Variants in ZNRF2 observed in about 807,000 individuals in gnomAD.
ZNRF2 encodes E3 ubiquitin-protein ligase ZNRF2.
Under a neutral mutation model 20.4 loss-of-function variants are expected in ZNRF2, and 16 were observed. The ratio of observed to expected loss-of-function variants is 0.79; its 90% CI spans 0.53 to 1.19. ZNRF2 has a LOEUF of 1.19. Ranked by LOEUF, ZNRF2 falls within the 50% of genes most tolerant of loss-of-function variation. ZNRF2 has a pLI of 0.00. For synonymous variants in ZNRF2, 178 were observed against 144.9 expected (o/e 1.23, Z -1.64); for missense variants, 363 against 332.4 (o/e 1.09, Z -0.72).
chr7:30,285,612 G>A lies in ZNRF2; in HGVS notation c.255G>A (p.Gly85=), dbSNP rs1798768383. The stretch of plus-strand genomic sequence containing the variant: ...CCCCGCGCAGCCGCTCCCTCGGCGG[G>A]GCCGTGGGGAGCGTGGCGTCGGGGG... ...PAAPRSRSLG[G]AVGSVASGAR... The change falls in exon 1 of 5, where the codon GGG becomes GGA. Residue 85 remains glycine, a synonymous_variant. Transcript: ENST00000323037. 2.5e-6 allele frequency: 3 copies of A among 1,199,900 alleles called. No homozygotes were observed. Among genetic ancestry groups the A allele is most frequent in the Admixed American group, 4.6e-5 (1 of 21,950 alleles). 74.3% of individuals were successfully genotyped at this position (1,199,900 alleles called of 1,614,324 possible).
At chr7:30,351,778 T>G (rs1799965739) in intron 2 of ZNRF2, among the ~76,000 whole-genome samples, 1 of 152,062 alleles carries the variant, frequency 6.6e-6, no homozygotes, top group African/African-American at 2.4e-5. Context: ...GATTAACATG[T>G]GACTTAAATA....
chr7:30,324,840 G>A (rs758519603), intron 2 of ZNRF2, among the ~76,000 whole-genome samples: 1 of 152,100 alleles, frequency 6.6e-6, no homozygotes, highest in Non-Finnish European at 1.5e-5. Flanking sequence ...AGTAAATGAA[G>A]GGAACATATA....
intron 1 of ZNRF2, 113 bp downstream of exon 1, chr7:30,285,939 G>T (rs1798779606): frequency 3.0e-6 from 4 of 1,326,418 alleles, no homozygotes; most frequent in Non-Finnish European, 3.9e-6. Flanking sequence ...GGCGCCGGGG[G>T]CTGCCTCCCG....
chr7:30,285,691 G>C lies in ZNRF2; in HGVS notation c.334G>C (p.Gly112Arg), dbSNP rs897814682. 9 of 1,460,838 alleles carry C rather than the reference G, an allele frequency of 6.2e-6. No individual in the cohort carries two copies. The African/African-American group carries it at 9.0e-5, about 15-fold the overall frequency. 90.5% of individuals were successfully genotyped at this position (1,460,838 alleles called of 1,614,324 possible). Residue 112 changes from glycine (G) to arginine (R), a missense_variant, in exon 1 of 5, where the codon GGC becomes CGC. Coordinates refer to ENST00000323037, the MANE Select transcript of ZNRF2 (RefSeq NM_147128.4). ...CCCGAACAGCAGCAGCGGCCCGTAC[G>C]GCTCGCAGGACTCGGTGCACAGCAG... ...SIPNSSSGPY[G>R]SQDSVHSSPE... is the part of the protein sequence containing the mutation.
At chr7:30,293,138 G>A (rs1798941695) in intron 1 of ZNRF2, among the ~76,000 whole-genome samples, 1 of 152,080 alleles carries the variant, frequency 6.6e-6, no homozygotes, top group African/African-American at 2.4e-5. Flanking sequence ...GAGAGAAAAT[G>A]AAGAGTCAAG....
intron 1 of ZNRF2, among the ~76,000 whole-genome samples, chr7:30,316,994 C>T (rs778253001): frequency 8.6e-5 from 13 of 151,928 alleles, no homozygotes; most frequent in Admixed American, 2.6e-4. Flanking sequence ...GATTTATTTG[C>T]CCCCCCTTTT....
chr7:30,322,177 C>T (rs1250102288), intron 1 of ZNRF2, among the ~76,000 whole-genome samples: 2 of 151,980 alleles, frequency 1.3e-5, no homozygotes, highest in African/African-American at 4.8e-5. Flanking sequence ...AGTAAACATA[C>T]CTTTATTCCT....
At chr7:30,351,457 C>G (rs954862243) in intron 2 of ZNRF2, among the ~76,000 whole-genome samples, 1 of 151,974 alleles carries the variant, frequency 6.6e-6, no homozygotes, top group Admixed American at 6.6e-5. Context: ...ATTGTAAGGT[C>G]GTTTCAGTTA....
At chr7:30,327,532 T>C (rs1000742888) in intron 2 of ZNRF2, among the ~76,000 whole-genome samples, 4 of 152,082 alleles carry the variant, frequency 2.6e-5, no homozygotes, top group South Asian at 2.1e-4. Flanking sequence ...AGAACTAATA[T>C]ATAACCTTCT....
intron 1 of ZNRF2, among the ~76,000 whole-genome samples, chr7:30,300,050 C>T (rs1376277200): frequency 6.6e-6 from 1 of 151,732 alleles, no homozygotes; most frequent in Non-Finnish European, 1.5e-5. Context: ...TCCCAAAGTG[C>T]AGGGATTACA....
At chr7:30,287,181 T>C (rs903040711) in intron 1 of ZNRF2, among the ~76,000 whole-genome samples, 1 of 152,248 alleles carries the variant, frequency 6.6e-6, no homozygotes, top group South Asian at 2.1e-4. Flanking sequence ...AAAAGAACTC[T>C]ACTGGTGTCC....
chr7:30,337,747 T>G lies in ZNRF2; in HGVS notation c.565+14010T>G, dbSNP rs372980124. 4.0e-5 allele frequency among the ~76,000 whole-genome samples: 6 copies of G among 151,834 alleles called. No homozygotes were observed. In the East Asian group the frequency reaches 1.2e-3, roughly 29 times the overall value. On this transcript the variant is annotated intron_variant, in intron 2 of 4. Coordinates refer to ENST00000323037, the MANE Select transcript of ZNRF2 (RefSeq NM_147128.4). Reference sequence around the variant, plus strand: ...CTTTGCTTCTTTATTATAAATAAATTAATAAAATAATTAATTTTCTCTATT... The same window carrying G: ...CTTTGCTTCTTTATTATAAATAAATGAATAAAATAATTAATTTTCTCTATT...
At chr7:30,329,354 T>A (rs1380900371) in intron 2 of ZNRF2, among the ~76,000 whole-genome samples, 1 of 152,202 alleles carries the variant, frequency 6.6e-6, no homozygotes, top group Non-Finnish European at 1.5e-5. Flanking sequence ...ACTATAGTTG[T>A]CCTGTTGTGC....
intron 1 of ZNRF2, among the ~76,000 whole-genome samples, chr7:30,314,798 T>G (rs112269753): frequency 6.6e-6 from 1 of 151,078 alleles, no homozygotes; most frequent in African/African-American, 2.4e-5. Context: ...AATATATATA[T>G]ATATATGTAT....
chr7:30,356,937 C>G (rs1428066970), intron 3 of ZNRF2, among the ~76,000 whole-genome samples: 1 of 152,048 alleles, frequency 6.6e-6, no homozygotes, highest in Non-Finnish European at 1.5e-5. Context: ...GATCTCCTGA[C>G]CGCATGATGT....
intron 3 of ZNRF2, among the ~76,000 whole-genome samples, chr7:30,357,238 T>C (rs1001858289): frequency 6.6e-6 from 1 of 152,188 alleles, no homozygotes; most frequent in Admixed American, 6.5e-5. Context: ...TGAAGTATTA[T>C]AGAAATTGAT....
At chr7:30,362,798 C>T (rs993560533) in intron 4 of ZNRF2, among the ~76,000 whole-genome samples, 3 of 151,898 alleles carry the variant, frequency 2.0e-5, no homozygotes, top group African/African-American at 4.8e-5. Context: ...ACCTGTAATC[C>T]GAGCTACTCG....
chr7:30,339,598 C>G (rs189835028), intron 2 of ZNRF2, among the ~76,000 whole-genome samples: 1 of 151,960 alleles, frequency 6.6e-6, no homozygotes, highest in Admixed American at 6.6e-5. Context: ...ATTTCTGAGG[C>G]CTTTGTTCTG....
Position 30,285,635 on chromosome 7 carries a change from G to C in ZNRF2, c.278G>C (p.Gly93Ala). ...GGGGCCGTGGGGAGCGTGGCGTCGGGGGCCCGCGCGGCGCAGTCCCCCTTC... is the reference window on the plus strand; with the variant it reads ...GGGGCCGTGGGGAGCGTGGCGTCGGCGGCCCGCGCGGCGCAGTCCCCCTTC... ...LGGAVGSVAS[G>A]ARAAQSPFSI... is the part of the protein sequence containing the mutation. Residue 93 changes from glycine (G) to alanine (A), a missense_variant, in exon 1 of 5, where the codon GGG becomes GCG. By Grantham distance (60) the Gly-to-Ala change is moderately conservative (BLOSUM62 0). Coordinates refer to ENST00000323037, the MANE Select transcript of ZNRF2 (RefSeq NM_147128.4). 7.9e-7 allele frequency: 1 copy of C among 1,265,718 alleles called. No individual in the cohort carries two copies. The highest frequency in any genetic ancestry group is 9.9e-7 in the Non-Finnish European group (1 of 1,009,332). The allele number at this position is 1,265,718 out of a possible 1,614,324, so 78.4% of individuals were successfully genotyped here.
Sources: gnomAD v4.1 joint callset for allele counts (sites outside exome capture counted in the v4.1 genomes callset) on GRCh38, gnomAD v4.1.1 for gene constraint, MANE v1.5 for transcripts, NCBI Gene and HGNC (gene_info 2026-07-23, HGNC 2026-07-21) for gene names.